Variants in WDR88 observed in about 807,000 individuals in gnomAD.
The protein encoded by WDR88 is WD repeat-containing protein 88.
WDR88 carries 40 observed loss-of-function variants against 46.8 expected under a neutral mutation model. The observed-to-expected ratio is 0.86, with a 90% confidence interval of 0.66 to 1.11. The LOEUF (loss-of-function observed/expected upper bound fraction) is 1.11, where lower values mean the gene tolerates loss of function less well. Among genes scored for constraint, WDR88 ranks in the 50% most tolerant of loss-of-function variants. The pLI is 0.00. For synonymous variants in WDR88, 235 were observed against 240.7 expected, an observed-to-expected ratio of 0.98 and a Z score of 0.22; for missense variants, 562 against 602.4, an observed-to-expected ratio of 0.93 and a Z score of 0.70.
At chr19:33,144,647 G>A (rs1262942607) in intron 2 of WDR88, among the ~76,000 whole-genome samples, 197 bp from the exon 3 acceptor site, 1 of 152,234 alleles carries the variant, frequency 6.6e-6, no homozygotes, top group East Asian at 1.9e-4. Flanking sequence ...GGAATGGCAA[G>A]GGTGTCCTTC....
chr19:33,159,423 G>C (rs1346612607), intron 7 of WDR88, among the ~76,000 whole-genome samples: 1 of 152,110 alleles, frequency 6.6e-6, no homozygotes, highest in African/African-American at 2.4e-5. Flanking sequence ...CCGAAGTGCT[G>C]TTTGCCGTTC....
chr19:33,144,589 G>A (rs1973471299), intron 2 of WDR88, among the ~76,000 whole-genome samples: 1 of 152,220 alleles, frequency 6.6e-6, no homozygotes, highest in African/African-American at 2.4e-5. Flanking sequence ...AGCATGGCCA[G>A]TTTCCACCTG....
At chr19:33,157,734 TATAA>T (rs200587488) in intron 7 of WDR88, among the ~76,000 whole-genome samples, 950 of 50,760 alleles carry the variant, frequency 0.019, 74 homozygotes, top group African/African-American at 0.1. Flanking sequence ...TATATATATA[TATAA>T]AATTAAAGAG....
intron 2 of WDR88, among the ~76,000 whole-genome samples, chr19:33,141,534 C>T (rs1282310034): frequency 6.6e-6 from 1 of 151,872 alleles, no homozygotes; most frequent in African/African-American, 2.4e-5. Context: ...CAGCCCCAAA[C>T]TTATTTTTAA....
chr19:33,137,936 G>A (rs1354066928), intron 2 of WDR88, 149 bp downstream of exon 2: 4 of 648,772 alleles, frequency 6.2e-6, no homozygotes, highest in Non-Finnish European at 1.0e-5. Flanking sequence ...AGGAGGAGAG[G>A]GTGAGAGCCC....
chr19:33,174,649 C>G (rs1293368586), intron 10 of WDR88: 10 of 985,298 alleles, frequency 1.0e-5, no homozygotes, highest in African/African-American at 5.2e-5. Context: ...TGCCTACTTG[C>G]GTCTCATGGT....
In WDR88 at chr19:33,164,180, A is replaced by T; in HGVS notation, c.1081-17A>T. On this transcript the variant is annotated splice_polypyrimidine_tract_variant and intron_variant, in intron 8 of 10. Transcript: ENST00000355868. ...TTATTTTCTCCACGTTTTCATTAAA[A>T]TTTGATATTTCTTCAGGGCCATAAT... 6.2e-7 allele frequency: 1 copy of T among 1,610,996 alleles called. No individual in the cohort carries two copies. Among genetic ancestry groups the T allele is most frequent in the Non-Finnish European group, 8.5e-7 (1 of 1,177,224 alleles).
intron 2 of WDR88, among the ~76,000 whole-genome samples, chr19:33,141,873 G>A (rs1973402679): frequency 6.6e-6 from 1 of 152,026 alleles, no homozygotes; most frequent in South Asian, 2.1e-4. Context: ...TAGAGATGGG[G>A]TTTCATCATG....
chr19:33,147,259 G>T (rs1018533458), intron 3 of WDR88, among the ~76,000 whole-genome samples: 3 of 151,230 alleles, frequency 2.0e-5, no homozygotes, highest in African/African-American at 7.3e-5. Flanking sequence ...GAAAGGCGGG[G>T]GGCGGGGGAG....
chr19:33,149,584 G>A (rs1973591130), intron 5 of WDR88, among the ~76,000 whole-genome samples: 1 of 151,866 alleles, frequency 6.6e-6, no homozygotes, highest in Admixed American at 6.6e-5. Flanking sequence ...TCCTGGCCTC[G>A]AGGGATCCTC....
At chr19:33,157,595 G>A (rs1260601366) in intron 7 of WDR88, among the ~76,000 whole-genome samples, 1 of 142,062 alleles carries the variant, frequency 7.0e-6, no homozygotes, top group East Asian at 2.1e-4. Context: ...GTATATATGT[G>A]TATATATGTA....
chr19:33,154,311 C>T (rs1973693582), intron 6 of WDR88, among the ~76,000 whole-genome samples: 1 of 152,062 alleles, frequency 6.6e-6, no homozygotes, highest in African/African-American at 2.4e-5. Flanking sequence ...CATCTATCAA[C>T]ACGTCATCTA....
chr19:33,144,902 T>G lies in WDR88; in HGVS notation c.446T>G (p.Val149Gly), dbSNP rs1973480143. ...GAGCACAGGCCCAAAGCTCCTGTTG[T>G]AGAGTGCAGCATCACCGGCGACAGC... ...DFEHRPKAPV[V>G]ECSITGDSSR... The change falls in exon 3 of 11, where the codon GTA becomes GGA. Residue 149 changes from valine (V) to glycine (G), a missense_variant. Coordinates refer to ENST00000355868, the MANE Select transcript of WDR88 (RefSeq NM_173479.4). 1 of 1,613,622 alleles carries G rather than the reference T, an allele frequency of 6.2e-7. No individual in the cohort carries two copies. The highest frequency in any genetic ancestry group is 1.3e-5 in the African/African-American group (1 of 74,930).
At chr19:33,165,462 A>T (rs1973937959) in intron 9 of WDR88, among the ~76,000 whole-genome samples, 1 of 152,188 alleles carries the variant, frequency 6.6e-6, no homozygotes, top group Non-Finnish European at 1.5e-5. Flanking sequence ...GTTTACTTGA[A>T]ATTATACATT....
rs544623513 is a variant in WDR88, at chr19:33,168,258, C to G, written c.1149+3993C>G. Among the ~76,000 whole-genome samples the G allele has an allele frequency of 9.3e-5, 14 of 151,128 alleles. No homozygotes were observed. In the South Asian group the frequency reaches 2.7e-3, roughly 29 times the overall value. On this transcript the variant is annotated intron_variant, in intron 9 of 10. Coordinates refer to ENST00000355868, the MANE Select transcript of WDR88 (RefSeq NM_173479.4). Reference sequence around the variant, plus strand: ...GGCAAGGGTGGTCTTGAACTCCTGACCCCGTGATCCACCCGCCTCGGCCTC... The same window carrying G: ...GGCAAGGGTGGTCTTGAACTCCTGAGCCCGTGATCCACCCGCCTCGGCCTC...
At chr19:33,170,302 C>T (rs542526967) in intron 9 of WDR88, among the ~76,000 whole-genome samples, 2 of 152,238 alleles carry the variant, frequency 1.3e-5, no homozygotes, top group South Asian at 4.1e-4. Flanking sequence ...CTTAGCCTCC[C>T]GAGTAGCTGG....
chr19:33,142,576 C>T (rs1001967416), intron 2 of WDR88, among the ~76,000 whole-genome samples: 3 of 151,730 alleles, frequency 2.0e-5, no homozygotes, highest in East Asian at 1.9e-4. Flanking sequence ...TTGTGGGGAC[C>T]GAGGGCCTCT....
At chr19:33,138,106 G>A (rs1389713986) in intron 2 of WDR88, among the ~76,000 whole-genome samples, 2 of 150,850 alleles carry the variant, frequency 1.3e-5, no homozygotes, top group African/African-American at 2.4e-5. Flanking sequence ...GCGTGATCTC[G>A]GCTCACTGCA....
intron 8 of WDR88, 45 bp downstream of exon 8, chr19:33,160,541 G>A (rs764549004): frequency 7.5e-6 from 12 of 1,601,306 alleles, no homozygotes; most frequent in Admixed American, 3.3e-5. Context: ...CTTCCCTCCC[G>A]AGTCCTTCCT....
Sources: gnomAD v4.1 joint callset for allele counts (sites outside exome capture counted in the v4.1 genomes callset) on GRCh38, gnomAD v4.1.1 for gene constraint, MANE v1.5 for transcripts, NCBI Gene and HGNC (gene_info 2026-07-23, HGNC 2026-07-21) for gene names.